The following AUH variants were observed in gnomAD, a reference collection of about 807,000 sequenced individuals.
The protein encoded by AUH is AU RNA binding methylglutaconyl-CoA hydratase, also known as methylglutaconyl-CoA hydratase, mitochondrial.
Under a neutral mutation model 42.3 loss-of-function variants are expected in AUH, and 29 were observed. The observed-to-expected ratio is 0.69, with a 90% CI of 0.51 to 0.93. AUH has a LOEUF of 0.93. AUH is among the 40% of genes least tolerant of loss of function. AUH has a pLI of 0.00. For synonymous variants in AUH, 174 were observed against 166.4 expected (o/e 1.05, Z -0.35); for missense variants, 452 against 438.1 (o/e 1.03, Z -0.28).
At chr9:91,349,679 G>GACACACAC (rs35888854) in intron 3 of AUH, among the ~76,000 whole-genome samples, 3 of 149,070 alleles carry the variant, frequency 2.0e-5, no homozygotes. Flanking sequence ...CAGAGAGACA[G>GACACACAC]ACACACACAC....
chr9:91,349,911 G>A (rs1831833044), intron 3 of AUH, among the ~76,000 whole-genome samples: 1 of 152,146 alleles, frequency 6.6e-6, no homozygotes, highest in Admixed American at 6.5e-5. Context: ...CAGAAGTGGT[G>A]TTCTAATCTA....
intron 6 of AUH, among the ~76,000 whole-genome samples, chr9:91,267,477 C>T (rs1830039341): frequency 6.6e-6 from 1 of 152,154 alleles, no homozygotes; most frequent in Non-Finnish European, 1.5e-5. Context: ...CTCTAACAGC[C>T]GAGTAGGTTA....
intron 4 of AUH, among the ~76,000 whole-genome samples, chr9:91,307,544 G>A (rs935907269): frequency 2.0e-5 from 3 of 152,160 alleles, no homozygotes; most frequent in African/African-American, 7.2e-5. Flanking sequence ...ACCATTCTGA[G>A]TAGCATGACA....
intron 3 of AUH, among the ~76,000 whole-genome samples, chr9:91,327,243 C>T (rs996626390): frequency 6.6e-6 from 1 of 152,154 alleles, no homozygotes; most frequent in African/African-American, 2.4e-5. Flanking sequence ...AGACAAATTC[C>T]CCAGCAGACA....
In AUH at chr9:91,220,939, T is replaced by C. The variant is rs147928826; in HGVS notation, c.709A>G (p.Ile237Val). ...CCATCGAGGACTCGCGCAGAGAATA[T>C]GAGCTCCTTGGCCAGGGACATTCCA... Reference protein sequence around the residue: ...AIGMSLAKELIFSARVLDGKE... With the variant: ...AIGMSLAKELVFSARVLDGKE... The change falls in exon 7 of 10, where the codon ATA becomes GTA. Residue 237 changes from isoleucine (I) to valine (V), a missense_variant. Physicochemically the swap from Ile to Val is conservative, Grantham distance 29 (BLOSUM62 3). Coordinates refer to ENST00000375731, the MANE Select transcript of AUH (RefSeq NM_001698.3). 23 of 1,614,100 alleles carry C rather than the reference T, an allele frequency of 1.4e-5. No individual in the cohort carries two copies. Among genetic ancestry groups the C allele is most frequent in the African/African-American group, 1.2e-4 (9 of 74,936 alleles).
chr9:91,308,531 G>A (rs1011431889), intron 4 of AUH, among the ~76,000 whole-genome samples: 1 of 152,120 alleles, frequency 6.6e-6, no homozygotes, highest in Non-Finnish European at 1.5e-5. Context: ...AACAAAGACA[G>A]TAAAGTGTTC....
At chr9:91,345,636 A>G (rs1490795071) in intron 3 of AUH, among the ~76,000 whole-genome samples, 1 of 151,868 alleles carries the variant, frequency 6.6e-6, no homozygotes, top group South Asian at 2.1e-4. Flanking sequence ...GATCGAGACC[A>G]TCCTGGCTAA....
chr9:91,353,820 C>CAAAA (rs56842895), intron 3 of AUH, among the ~76,000 whole-genome samples: 1 of 27,644 alleles, frequency 3.6e-5, no homozygotes, highest in African/African-American at 1.2e-4. Flanking sequence ...GACTCCGTCT[C>CAAAA]AAAAAAAAAA....
chr9:91,263,282 ACACTTATTAAAAGTGAGCTG>A (rs1348641977), intron 6 of AUH, among the ~76,000 whole-genome samples: 1 of 152,220 alleles, frequency 6.6e-6, no homozygotes, highest in Non-Finnish European at 1.5e-5. Flanking sequence ...GCTGAATTTC[ACACTTATTAAAAGTGAGCTG>A]TATTCACTTG....
intron 6 of AUH, among the ~76,000 whole-genome samples, chr9:91,276,611 T>C (rs1221252911): frequency 6.6e-6 from 1 of 152,132 alleles, no homozygotes; most frequent in Non-Finnish European, 1.5e-5. Context: ...GGTTACTGAC[T>C]CACTTTGCAG....
chr9:91,329,697 A>G (rs1830195169), intron 3 of AUH, among the ~76,000 whole-genome samples: 1 of 151,544 alleles, frequency 6.6e-6, no homozygotes, highest in East Asian at 1.9e-4. Context: ...CTTGCCTTTC[A>G]CTTTCTTGGT....
intron 6 of AUH, among the ~76,000 whole-genome samples, chr9:91,283,109 C>T (rs1433838657): frequency 6.6e-6 from 1 of 152,138 alleles, no homozygotes; most frequent in Non-Finnish European, 1.5e-5. Context: ...AAAAGCTTAT[C>T]CACCATGATC....
At chr9:91,319,165 T>C (rs763073586) in intron 4 of AUH, among the ~76,000 whole-genome samples, 6 of 152,242 alleles carry the variant, frequency 3.9e-5, no homozygotes, top group Non-Finnish European at 8.8e-5. Flanking sequence ...GGCCTTGTGT[T>C]GACCCTAGGC....
intron 6 of AUH, among the ~76,000 whole-genome samples, chr9:91,240,772 C>T: frequency 6.6e-6 from 1 of 151,522 alleles, no homozygotes; most frequent in East Asian, 1.9e-4. Flanking sequence ...TCTGGGGGCC[C>T]TTTAGCCTCC....
chr9:91,294,855 T>C (rs1406567605), intron 6 of AUH: 2 of 433,822 alleles, frequency 4.6e-6, no homozygotes, highest in South Asian at 1.7e-5. Context: ...CCTGAAGACG[T>C]GACTGAATTT....
At chr9:91,259,988 T>C (rs1366662055) in intron 6 of AUH, among the ~76,000 whole-genome samples, 1 of 152,168 alleles carries the variant, frequency 6.6e-6, no homozygotes, top group Non-Finnish European at 1.5e-5. Flanking sequence ...CTATCAATTA[T>C]GTAATCTCCA....
intron 6 of AUH, among the ~76,000 whole-genome samples, chr9:91,233,330 A>AT (rs1827996119): frequency 6.6e-6 from 1 of 152,138 alleles, no homozygotes; most frequent in Non-Finnish European, 1.5e-5. Context: ...TTTTGTGGGA[A>AT]TTGCAACTGA....
At chr9:91,289,519 C>G (rs1826686066) in intron 6 of AUH, among the ~76,000 whole-genome samples, 1 of 152,054 alleles carries the variant, frequency 6.6e-6, no homozygotes, top group African/African-American at 2.4e-5. Flanking sequence ...GACGCATTTT[C>G]TTTTAACCAA....
At chr9:91,329,215 T>C (rs186409230) in intron 3 of AUH, among the ~76,000 whole-genome samples, 5 of 152,262 alleles carry the variant, frequency 3.3e-5, no homozygotes, top group Admixed American at 3.3e-4. Context: ...TTACAAGTTT[T>C]TGGTGGACAA....
Sources: allele counts gnomAD v4.1 joint callset (sites outside exome capture counted in the v4.1 genomes callset), GRCh38; gene constraint gnomAD v4.1.1; transcripts MANE v1.5; gene names NCBI Gene and HGNC (gene_info 2026-07-23, HGNC 2026-07-21).